Variants in XKR9 observed in about 807,000 individuals in gnomAD.
The protein encoded by XKR9 is XK related 9, also known as XK-related protein 9.
A neutral mutation model predicts 32.0 loss-of-function variants in XKR9; 32 were observed. The observed-to-expected ratio is 1.00, with a 90% CI of 0.76 to 1.34. XKR9 has a LOEUF of 1.34. XKR9 is among the 40% of genes most tolerant of loss of function. XKR9 has a pLI of 0.00. For synonymous variants in XKR9, 168 were observed against 143.4 expected, an observed-to-expected ratio of 1.17 and a Z score of -1.22; for missense variants, 546 against 429.7, an observed-to-expected ratio of 1.27 and a Z score of -2.39.
At chr8:70,860,388 C>T in the XKR9 span, among the ~76,000 whole-genome samples, 1 of 151,420 alleles carries the variant, frequency 6.6e-6, no homozygotes, top group Non-Finnish European at 1.5e-5. Context: ...TCAGCAAAAC[C>T]TGACCAACTA....
the XKR9 span, among the ~76,000 whole-genome samples, chr8:70,984,902 A>C: frequency 6.6e-6 from 1 of 152,246 alleles, no homozygotes; most frequent in African/African-American, 2.4e-5. Context: ...CATCTTCATT[A>C]ATTGCTAAAT....
At chr8:70,913,279 A>C in the XKR9 span, among the ~76,000 whole-genome samples, 2 of 152,174 alleles carry the variant, frequency 1.3e-5, no homozygotes, top group Non-Finnish European at 2.9e-5. Context: ...TAAATGTTGA[A>C]AATCTATTCT....
At chr8:71,043,078 C>T in the XKR9 span, among the ~76,000 whole-genome samples, 4 of 152,162 alleles carry the variant, frequency 2.6e-5, no homozygotes, top group Admixed American at 2.0e-4. Context: ...CCTGAGCTTT[C>T]CTTAGATCTC....
the XKR9 span, among the ~76,000 whole-genome samples, chr8:70,890,914 A>G: frequency 6.6e-6 from 1 of 151,892 alleles, no homozygotes; most frequent in African/African-American, 2.4e-5. Flanking sequence ...CAGCAGATCA[A>G]TTAGTTATTT....
intron 2 of XKR9, among the ~76,000 whole-genome samples, chr8:70,780,472 T>C (rs1807599614): frequency 1.3e-5 from 2 of 152,088 alleles, no homozygotes; most frequent in Admixed American, 1.3e-4. Context: ...TTCCTTATGA[T>C]TTTTTTGACT....
At chr8:70,962,180 G>C in the XKR9 span, among the ~76,000 whole-genome samples, 2 of 151,972 alleles carry the variant, frequency 1.3e-5, no homozygotes, top group African/African-American at 2.4e-5. Flanking sequence ...AAATATCTTA[G>C]TAAGTTGTAG....
chr8:71,016,152 A>T, the XKR9 span, among the ~76,000 whole-genome samples: 62 of 152,246 alleles, frequency 4.1e-4, 1 homozygote, highest in East Asian at 8.3e-3. Flanking sequence ...TAGCAATTTT[A>T]TTAAATCTGG....
chr8:70,824,589 A>G, the XKR9 span, among the ~76,000 whole-genome samples: 2 of 152,116 alleles, frequency 1.3e-5, no homozygotes, highest in African/African-American at 2.4e-5. Flanking sequence ...TAAGAAGATC[A>G]TATCTTCTTG....
chr8:70,751,465 G>T (rs1011832942), intron 2 of XKR9, among the ~76,000 whole-genome samples: 11 of 152,088 alleles, frequency 7.2e-5, no homozygotes, highest in Non-Finnish European at 1.5e-4. Context: ...CTGGGTAAAG[G>T]GATACCCAGA....
chr8:71,051,632 T>A, the XKR9 span, among the ~76,000 whole-genome samples: 137 of 152,248 alleles, frequency 9.0e-4, 1 homozygote, highest in South Asian at 1.5e-3. Flanking sequence ...TTCATCCCAG[T>A]GCCTGGGCAA....
the XKR9 span, among the ~76,000 whole-genome samples, chr8:70,887,891 T>A: frequency 5.3e-5 from 8 of 152,144 alleles, no homozygotes; most frequent in Non-Finnish European, 1.2e-4. Flanking sequence ...TGACTTCCTC[T>A]CTTCCTATTT....
At chr8:70,774,987 T>C (rs1807500008) in intron 2 of XKR9, among the ~76,000 whole-genome samples, 1 of 151,892 alleles carries the variant, frequency 6.6e-6, no homozygotes, top group Non-Finnish European at 1.5e-5. Context: ...CCCAATATCT[T>C]TCATCTACAC....
downstream of XKR9, among the ~76,000 whole-genome samples, chr8:70,738,255 G>A (rs1302866723): frequency 1.4e-5 from 2 of 142,886 alleles, no homozygotes; most frequent in East Asian, 1.9e-4. Flanking sequence ...GTTTATTTGT[G>A]TAGAGGTGTT....
chr8:70,684,937 C>T (rs10093018), intron 3 of XKR9, among the ~76,000 whole-genome samples: 27 of 147,090 alleles, frequency 1.8e-4, no homozygotes, highest in African/African-American at 6.7e-4. Flanking sequence ...GTCAGTGTGG[C>T]GATTCCTCAG....
chr8:70,795,018 T>C (rs974317903), downstream of XKR9, among the ~76,000 whole-genome samples: 2 of 152,022 alleles, frequency 1.3e-5, no homozygotes, highest in African/African-American at 4.8e-5. Context: ...TCAGGGCAGG[T>C]TTGCTATATA....
chr8:71,050,826 T>C, the XKR9 span, among the ~76,000 whole-genome samples: 6 of 152,226 alleles, frequency 3.9e-5, no homozygotes, highest in African/African-American at 1.2e-4. Flanking sequence ...TCATCCTTTG[T>C]GCTTTTGTGC....
At chr8:70,935,486 G>A in the XKR9 span, among the ~76,000 whole-genome samples, 4 of 151,778 alleles carry the variant, frequency 2.6e-5, no homozygotes, top group African/African-American at 9.7e-5. Context: ...GTAGTAATTT[G>A]TCCTCCCACA....
downstream of XKR9, among the ~76,000 whole-genome samples, chr8:70,792,172 A>T (rs1807772362): frequency 1.3e-5 from 2 of 152,130 alleles, no homozygotes; most frequent in African/African-American, 4.8e-5. Flanking sequence ...AGCTTACAAA[A>T]TATTTTAATT....
chr8:70,925,527 CTT>C, the XKR9 span, among the ~76,000 whole-genome samples: 50 of 152,082 alleles, frequency 3.3e-4, no homozygotes, highest in Non-Finnish European at 5.7e-4. Flanking sequence ...AAACATAACA[CTT>C]TTATGAAATT....
Sources: gnomAD v4.1 joint callset for allele counts (sites outside exome capture counted in the v4.1 genomes callset) on GRCh38, gnomAD v4.1.1 for gene constraint, MANE v1.5 for transcripts, NCBI Gene and HGNC (gene_info 2026-07-23, HGNC 2026-07-21) for gene names.